The following MYO9A variants were observed in gnomAD, a reference collection of about 807,000 sequenced individuals.
MYO9A encodes unconventional myosin-IXa.
MYO9A carries 103 observed loss-of-function variants against 293.3 expected under a neutral mutation model. The observed-to-expected ratio is 0.35, with a 90% CI of 0.30 to 0.41. The LOEUF (loss-of-function observed/expected upper bound fraction) is 0.41, where lower values mean the gene tolerates loss of function less well. Ranked by LOEUF, MYO9A falls within the 10% of genes least tolerant of loss-of-function variation. The probability of loss-of-function intolerance (pLI) is 1.00; values close to 1 mark genes in which losing one functional copy is unlikely to be tolerated. For missense variants in MYO9A, 2,685 were observed against 3,033.0 expected (o/e 0.89, Z 2.69); for synonymous variants, 1,001 against 1,035.7 (o/e 0.97, Z 0.64).
At chr15:71,992,082 A>G (rs138285658) in intron 10 of MYO9A, among the ~76,000 whole-genome samples, 3 of 152,240 alleles carry the variant, frequency 2.0e-5, no homozygotes, top group African/African-American at 7.2e-5. Context: ...AAAGTTAAAA[A>G]TATTTATTAA....
chr15:72,111,163 A>T (rs1167208260), intron 1 of MYO9A, among the ~76,000 whole-genome samples: 1 of 150,508 alleles, frequency 6.6e-6, no homozygotes, highest in Non-Finnish European at 1.5e-5. Flanking sequence ...CATCTCAAAA[A>T]AAAAAAAAAA....
At chr15:71,861,687 A>AAAAAC (rs1262255952) in intron 33 of MYO9A, among the ~76,000 whole-genome samples, 3 of 145,876 alleles carry the variant, frequency 2.1e-5, no homozygotes, top group African/African-American at 7.4e-5. Flanking sequence ...TATAAAAAAA[A>AAAAAC]AAAAAAAAAA....
chr15:71,843,291 C>T (rs182725234), intron 39 of MYO9A, among the ~76,000 whole-genome samples: 60 of 151,902 alleles, frequency 3.9e-4, no homozygotes, highest in African/African-American at 1.3e-3. Flanking sequence ...TAGCCGGGCA[C>T]GGTGGCAGGC....
At chr15:71,854,709 A>G in intron 34 of MYO9A, 140 bp from the exon 35 acceptor site, 1 of 584,108 alleles carries the variant, frequency 1.7e-6, no homozygotes, top group African/African-American at 1.9e-5. Flanking sequence ...AAAGGGAATT[A>G]TGTTTAAGTA....
chr15:71,878,145 A>G lies in MYO9A; in HGVS notation c.5826T>C (p.Arg1942=). 6.2e-7 allele frequency: 1 copy of G among 1,613,132 alleles called. No homozygotes were observed. The highest frequency in any genetic ancestry group is 8.5e-7 in the Non-Finnish European group (1 of 1,179,450). The part of the protein sequence containing the change: ...ILEKTMRLEQ[R]DSLGESPVRV... Reference sequence around the variant, plus strand: ...TCACTGGAGATTCACCCAGTGAATCACGCTGCTCAAGCCTCATCGTCTTTT... The same window carrying G: ...TCACTGGAGATTCACCCAGTGAATCGCGCTGCTCAAGCCTCATCGTCTTTT... Residue 1942 remains arginine, a synonymous_variant, in exon 31 of 42, where the codon CGT becomes CGC. Coordinates refer to ENST00000356056, the MANE Select transcript of MYO9A (RefSeq NM_006901.4).
intron 1 of MYO9A, among the ~76,000 whole-genome samples, chr15:72,070,216 T>C (rs1404644021): frequency 6.6e-6 from 1 of 150,524 alleles, no homozygotes; most frequent in Non-Finnish European, 1.5e-5. Flanking sequence ...CCGAGGCAGA[T>C]GGATCACCTG....
At chr15:71,977,416 C>G (rs2076170590) in intron 12 of MYO9A, among the ~76,000 whole-genome samples, 1 of 151,992 alleles carries the variant, frequency 6.6e-6, no homozygotes, top group African/African-American at 2.4e-5. Flanking sequence ...TTCATATTTT[C>G]AGCACAGACA....
In MYO9A at chr15:71,898,535, T is replaced by C; in HGVS notation, c.3968A>G (p.Asp1323Gly). ...EGLQSPRGTPDSESSQGSLEL... is the reference protein window; with the variant it reads ...EGLQSPRGTPGSESSQGSLEL... ...CAAGCTTCCTTGAGAGCTCTCACTATCAGGTGTACCCCGTGGAGACTGAAG... is the reference window on the plus strand; with the variant it reads ...CAAGCTTCCTTGAGAGCTCTCACTACCAGGTGTACCCCGTGGAGACTGAAG... Residue 1323 changes from aspartate (D) to glycine (G), a missense_variant, in exon 25 of 42, where the codon GAT (aspartate) becomes GGT (glycine). Physicochemically the swap from Asp to Gly is moderately conservative, Grantham distance 94. Transcript: ENST00000356056. 6.2e-7 allele frequency: 1 copy of C among 1,614,048 alleles called. No individual in the cohort carries two copies. Among genetic ancestry groups the C allele is most frequent in the South Asian group, 1.1e-5 (1 of 91,080 alleles).
intron 1 of MYO9A, among the ~76,000 whole-genome samples, chr15:72,058,999 G>T (rs1243680150): frequency 2.6e-5 from 4 of 152,098 alleles, no homozygotes; most frequent in African/African-American, 9.7e-5. Context: ...CAAAAACTTT[G>T]ATTCTGCTTT....
At chr15:72,099,551 G>A (rs11072344) in intron 1 of MYO9A, among the ~76,000 whole-genome samples, 4,154 of 151,664 alleles carry the variant, frequency 0.027, 167 homozygotes, top group East Asian at 0.19. Flanking sequence ...GCAGCCAGCC[G>A]TGGTCACATC....
chr15:71,908,316 G>A (rs182545069), intron 19 of MYO9A, among the ~76,000 whole-genome samples: 174 of 152,054 alleles, frequency 1.1e-3, no homozygotes, highest in African/African-American at 3.6e-3. Context: ...CTCTGTTTTG[G>A]TACCCGGCTA....
intron 8 of MYO9A, among the ~76,000 whole-genome samples, chr15:72,001,930 T>C (rs1247054556): frequency 6.6e-6 from 1 of 152,148 alleles, no homozygotes; most frequent in Non-Finnish European, 1.5e-5. Flanking sequence ...AAAAAAAATG[T>C]AATAAAATCC....
At chr15:71,846,941 A>C (rs1427809906) in intron 39 of MYO9A, among the ~76,000 whole-genome samples, 1 of 152,242 alleles carries the variant, frequency 6.6e-6, no homozygotes, top group African/African-American at 2.4e-5. Context: ...CCATATTTCT[A>C]CATCTGGGAG....
At chr15:71,830,713 T>G (rs1179672569) in intron 39 of MYO9A, among the ~76,000 whole-genome samples, 1 of 152,198 alleles carries the variant, frequency 6.6e-6, no homozygotes, top group Non-Finnish European at 1.5e-5. Context: ...ACAAGTAGCT[T>G]GTGACCCCCA....
rs1596427138 is a variant in MYO9A, at chr15:72,032,395, A to C, written c.935+99T>G. 3.1e-5 allele frequency: 22 copies of C among 709,774 alleles called. No individual in the cohort carries two copies. In the East Asian group the frequency reaches 6.8e-4, roughly 22 times the overall value. 44.0% of individuals were successfully genotyped at this position (709,774 alleles called of 1,614,324 possible). On this transcript the variant is annotated intron_variant, in intron 3 of 41. Transcript: ENST00000356056. Reference sequence around the variant, plus strand: ...GACAGGGAAGAATTTTAATGCTGACACCAATGTCTGGGAATGAACAATACA... The same window carrying C: ...GACAGGGAAGAATTTTAATGCTGACCCCAATGTCTGGGAATGAACAATACA...
At chr15:71,953,253 A>T (rs2146637417) in intron 14 of MYO9A, among the ~76,000 whole-genome samples, 1 of 152,290 alleles carries the variant, frequency 6.6e-6, no homozygotes. Context: ...TCCCCCCTTG[A>T]TGGATTGCTT....
rs1027787560 is a variant in MYO9A, at chr15:71,999,928, T to C, written c.1393A>G (p.Met465Val). The C allele has an allele frequency of 5.6e-6, 9 of 1,611,396 alleles. No homozygotes were observed. The highest frequency in any genetic ancestry group is 7.6e-6 in the Non-Finnish European group (9 of 1,178,900). Residue 465 changes from methionine to valine, a missense_variant, in exon 9 of 42, where the codon ATG becomes GTG. By Grantham distance (21) the Met-to-Val change is conservative. Around this residue, in one of 10 missense-constraint regions of MYO9A, gnomAD observed 289 missense variants for 456.8 expected, o/e 0.63. Transcript: ENST00000356056. ...CTTGTAACTAATGCTTCAAATAGCA[T>C]CTCTTCTTTAACCTATAAAACAGAA... ...VSELLEVKEE[M>V]LFEALVTRKT... is the part of the protein sequence containing the mutation.
At position 71,946,675 on chromosome 15, in the gene MYO9A, C is replaced by T. The variant is rs144003407; in HGVS notation, c.2302+5102G>A. ...AATTAGAACTTCAGTTTCAGCTGCA[C>T]CAGACACAGTTCAGGTGCTTAACAG... On this transcript the variant is annotated intron_variant, in intron 15 of 41. Transcript: ENST00000356056. Among the ~76,000 whole-genome samples the T allele has an allele frequency of 2.8e-3, 425 of 152,356 alleles. 5 individuals carry two copies. Among genetic ancestry groups the T allele is most frequent in the East Asian group, 3.3e-3 (17 of 5,190 alleles).
At chr15:71,902,666 G>A (rs980546949) in intron 22 of MYO9A, among the ~76,000 whole-genome samples, 2 of 152,116 alleles carry the variant, frequency 1.3e-5, no homozygotes, top group African/African-American at 2.4e-5. Context: ...GATGAATCTG[G>A]ATATGGTCAC....
Sources: gnomAD v4.1 joint callset for allele counts (sites outside exome capture counted in the v4.1 genomes callset) on GRCh38, gnomAD v4.1.1 for gene constraint, gnomAD v4.1.1 regional missense constraint, MANE v1.5 for transcripts, NCBI Gene and HGNC (gene_info 2026-07-23, HGNC 2026-07-21) for gene names.